Variants in CASC3 observed in about 807,000 individuals in gnomAD.
CASC3 encodes the protein CASC3 exon junction complex subunit.
A neutral mutation model predicts 80.5 loss-of-function variants in CASC3; 30 were observed. That is an observed-to-expected ratio of 0.37 (90% confidence interval 0.28 to 0.51). CASC3 has a LOEUF of 0.51. CASC3 is among the 20% of genes least tolerant of loss of function. CASC3 has a pLI of 0.94. For synonymous variants in CASC3, 312 were observed against 333.6 expected, an observed-to-expected ratio of 0.94 and a Z score of 0.70; for missense variants, 824 against 922.2, an observed-to-expected ratio of 0.89 and a Z score of 1.38.
At chr17:40,167,442 C>A in intron 8 of CASC3, 56 bp from the exon 9 acceptor site, 1 of 1,278,070 alleles carries the variant, frequency 7.8e-7, no homozygotes, top group Non-Finnish European at 1.1e-6. Context: ...GAAGGTAGGA[C>A]TTGATATGAG....
chr17:40,162,176 GCTGT>G (rs754700963), intron 5 of CASC3, 23 bp downstream of exon 5: 4 of 1,607,246 alleles, frequency 2.5e-6, no homozygotes, highest in Admixed American at 1.7e-5. Flanking sequence ...TGCTGCTGCT[GCTGT>G]CTAACATGTA....
chr17:40,144,866 T>G (rs1198861231), intron 3 of CASC3, among the ~76,000 whole-genome samples: 2 of 149,808 alleles, frequency 1.3e-5, no homozygotes, highest in African/African-American at 4.9e-5. Flanking sequence ...ATTAAGTTTT[T>G]TTTTTTTTTA....
intron 3 of CASC3, among the ~76,000 whole-genome samples, chr17:40,146,939 A>G (rs1489033161): frequency 6.6e-6 from 1 of 152,152 alleles, no homozygotes; most frequent in Non-Finnish European, 1.5e-5. Flanking sequence ...CATAAAGTCA[A>G]AATTATAAGT....
In CASC3 at chr17:40,164,036, G is replaced by T. The variant is rs1420599993; in HGVS notation, c.1341G>T (p.Lys447Asn). 1.2e-6 allele frequency: 2 copies of T among 1,613,896 alleles called. No individual in the cohort carries two copies. The highest frequency in any genetic ancestry group is 2.7e-5 in the African/African-American group (2 of 74,900). Residue 447 changes from lysine (K) to asparagine (N), a missense_variant, in exon 7 of 14, where the codon AAG (lysine) becomes AAT (asparagine). Physicochemically the swap from Lys to Asn is moderately conservative, Grantham distance 94. Transcript: ENST00000264645. ...AAACCACCCCAACTCCACCTACTAA[G>T]ACTGGGACCTGGGAAGCTCCGGTGG... ...VPETTPTPPT[K>N]TGTWEAPVDS...
chr17:40,168,086 C>T, intron 10 of CASC3, 117 bp from the exon 11 acceptor site: 2 of 1,269,280 alleles, frequency 1.6e-6, no homozygotes, highest in Admixed American at 1.8e-5. Flanking sequence ...ACAAGTTCCT[C>T]TTGTGTCCAT....
intron 3 of CASC3, among the ~76,000 whole-genome samples, chr17:40,159,412 G>A (rs944619536): frequency 6.6e-6 from 1 of 152,070 alleles, no homozygotes; most frequent in Non-Finnish European, 1.5e-5. Context: ...GACAGTCTCT[G>A]TTGTCCAGGT....
chr17:40,150,258 G>C (rs1380407801), intron 3 of CASC3, among the ~76,000 whole-genome samples: 1 of 152,132 alleles, frequency 6.6e-6, no homozygotes, highest in Non-Finnish European at 1.5e-5. Context: ...TTATGTCCCA[G>C]CTACTTGGGA....
In CASC3 at chr17:40,140,704, C is replaced by A; in HGVS notation, c.156C>A (p.Arg52=). 6.3e-7 allele frequency: 1 copy of A among 1,577,946 alleles called. No individual in the cohort carries two copies. The highest frequency in any genetic ancestry group is 1.1e-5 in the South Asian group (1 of 87,636). ...GGGSGSLPSQ[R]GGRTGALHLR... ...GCAGCGGCTCTCTGCCTTCACAGCG[C>A]GGAGGCCGAACCGGGGCCCTTCATC... Residue 52 remains arginine, a synonymous_variant, in exon 1 of 14, where the codon CGC becomes CGA. Coordinates refer to ENST00000264645, the MANE Select transcript of CASC3 (RefSeq NM_007359.5).
At chr17:40,169,273 T>C in intron 11 of CASC3, 51 bp from the exon 12 acceptor site, 1 of 1,469,760 alleles carries the variant, frequency 6.8e-7, no homozygotes, top group Non-Finnish European at 9.0e-7. Flanking sequence ...TCATCATAGG[T>C]TGGATGAATT....
rs113727200 is a variant in CASC3, at chr17:40,161,632, T to G, written c.298-121T>G. Reference sequence around the variant, plus strand: ...AGGCAGAGGTTACAGTGAGCTGAGATTGTGCCACTGTATTCCAGCCTGGGT... The same window carrying G: ...AGGCAGAGGTTACAGTGAGCTGAGAGTGTGCCACTGTATTCCAGCCTGGGT... On this transcript the variant is annotated intron_variant, in intron 3 of 13. Transcript: ENST00000264645. The G allele has an allele frequency of 3.9e-3, 3,154 of 810,460 alleles. 60 individuals carry two copies. In the Middle Eastern group the frequency reaches 0.049, roughly 13 times the overall value. 50.2% of individuals were successfully genotyped at this position (810,460 alleles called of 1,614,324 possible).
At chr17:40,167,672 C>T (rs1243342284) in intron 9 of CASC3, 60 bp downstream of exon 9, 2 of 1,390,630 alleles carry the variant, frequency 1.4e-6, no homozygotes, top group Admixed American at 3.5e-5. Context: ...AGTAAGATAC[C>T]AGGCTCCTGG....
chr17:40,144,915 C>T (rs993845480), intron 3 of CASC3, among the ~76,000 whole-genome samples: 1 of 150,256 alleles, frequency 6.7e-6, no homozygotes, highest in African/African-American at 2.5e-5. Context: ...GGCTGGAGTG[C>T]AATGGCTCGA....
At chr17:40,144,684 AAAG>A (rs1988809991) in intron 3 of CASC3, among the ~76,000 whole-genome samples, 1 of 145,036 alleles carries the variant, frequency 6.9e-6, no homozygotes, top group African/African-American at 2.6e-5. Context: ...TTTTTTTAAA[AAAG>A]AGGCAGGGTC....
rs757030255 is a variant in CASC3, at chr17:40,161,842, AGAGAAG to A, written c.389_394del (p.Glu130_Lys131del). On this transcript the variant is annotated inframe_deletion, in exon 4 of 14. Coordinates refer to ENST00000264645, the MANE Select transcript of CASC3 (RefSeq NM_007359.5). ...ATGCTGTTAATTCTTCAACAAAAGA[AGAGAAG>A]GGAGAAGAAAAGCCTGACACCAAAA... The A allele has an allele frequency of 1.4e-5, 22 of 1,614,242 alleles. No homozygotes were observed. The South Asian group carries it at 2.3e-4, about 17-fold the overall frequency.
At chr17:40,143,108 TAAAA>T (rs1421952721) in intron 3 of CASC3, among the ~76,000 whole-genome samples, 2 of 146,258 alleles carry the variant, frequency 1.4e-5, no homozygotes, top group African/African-American at 2.5e-5. Context: ...AATAAATAAA[TAAAA>T]GAAAGGCTGT....
Position 40,161,988 on chromosome 17 carries a change from T to TA in CASC3, c.457-13dup, listed in dbSNP as rs1989313277. 1 of 1,612,796 alleles carries TA rather than the reference T, an allele frequency of 6.2e-7. No individual in the cohort carries two copies. Among genetic ancestry groups the TA allele is most frequent in the African/African-American group, 1.3e-5 (1 of 74,796 alleles). Reference sequence around the variant, plus strand: ...AGGCTTGGAAGAGTAAGGATCCCTTTATCTGTCCTCTAGGAGAGCACAGAG... The same window carrying TA: ...AGGCTTGGAAGAGTAAGGATCCCTTTAATCTGTCCTCTAGGAGAGCACAGAG... On this transcript the variant is annotated splice_polypyrimidine_tract_variant and intron_variant, in intron 4 of 13. Coordinates refer to ENST00000264645, the MANE Select transcript of CASC3 (RefSeq NM_007359.5).
rs533726263 is a variant in CASC3, at chr17:40,147,115, A to C, written c.297+5508A>C. ...TGGATGTTTTCCTAATGGCTAGGAA[A>C]GAAGTACCACTGAAGGCTTAAATGT... On this transcript the variant is annotated intron_variant, in intron 3 of 13. Coordinates refer to ENST00000264645, the MANE Select transcript of CASC3 (RefSeq NM_007359.5). Among the ~76,000 whole-genome samples the C allele has an allele frequency of 8.3e-4, 127 of 152,324 alleles. 1 individual carries two copies. The highest frequency in any genetic ancestry group is 1.5e-3 in the Non-Finnish European group (103 of 68,026).
intron 8 of CASC3, 109 bp downstream of exon 8, chr17:40,166,970 T>C: frequency 1.2e-6 from 1 of 810,160 alleles, no homozygotes; most frequent in Non-Finnish European, 1.9e-6. Context: ...TTTCTTTCTT[T>C]TTTTTTGAGA....
At chr17:40,169,246 T>C in intron 11 of CASC3, 78 bp from the exon 12 acceptor site, 1 of 1,350,588 alleles carries the variant, frequency 7.4e-7, no homozygotes, top group Non-Finnish European at 9.8e-7. Flanking sequence ...CTCTTATGGC[T>C]GAATAATATT....
Sources: allele counts gnomAD v4.1 joint callset (sites outside exome capture counted in the v4.1 genomes callset), GRCh38; gene constraint gnomAD v4.1.1; transcripts MANE v1.5; gene names NCBI Gene and HGNC (gene_info 2026-07-23, HGNC 2026-07-21).